CCDC149: variants seen among roughly 807,000 people sequenced by gnomAD.
The protein encoded by CCDC149 is coiled-coil domain containing 149, also known as coiled-coil domain-containing protein 149.
In CCDC149, 45 loss-of-function variants were observed where a neutral mutation model predicts 59.9. The ratio of observed to expected loss-of-function variants is 0.75; its 90% CI spans 0.59 to 0.96. The LOEUF (loss-of-function observed/expected upper bound fraction) is 0.96. Ranked by LOEUF, CCDC149 falls within the 40% of genes least tolerant of loss-of-function variation. The pLI is 0.00. For missense variants in CCDC149, 584 were observed against 664.7 expected (o/e 0.88, Z 1.33); for synonymous variants, 245 against 260.6 (o/e 0.94, Z 0.58).
chr4:24,836,565 C>T, intron 6 of CCDC149, 57 bp from the exon 7 acceptor site: 1 of 1,213,334 alleles, frequency 8.2e-7, no homozygotes, highest in Non-Finnish European at 1.2e-6. Context: ...AAAACACACA[C>T]TGAAGTATAA....
rs1341893496 is a variant in CCDC149, at chr4:24,808,783, G to C, written c.1229C>G (p.Ala410Gly). The change falls in exon 13 of 13, where the codon GCC (alanine) becomes GGC (glycine). Residue 410 changes from alanine (A) to glycine (G), a missense_variant. Transcript: ENST00000635206. ...AGGCGCTGTCAACGCCTCAGCAGCG[G>C]CACAACTTTCATCTTCTTCTTGCTT... is the stretch of plus-strand genomic sequence containing the variant. 2 of 1,550,840 alleles carry C rather than the reference G, an allele frequency of 1.3e-6. No individual in the cohort carries two copies. Among genetic ancestry groups the C allele is most frequent in the South Asian group, 2.4e-5 (2 of 83,934 alleles).
chr4:24,889,562 G>C (rs2109280914), intron 1 of CCDC149, among the ~76,000 whole-genome samples: 1 of 152,340 alleles, frequency 6.6e-6, no homozygotes, highest in East Asian at 1.9e-4. Flanking sequence ...CCAGGGGCCT[G>C]AGGTCTGCTG....
At chr4:24,915,682 C>T (rs567713768), upstream of CCDC149, among the ~76,000 whole-genome samples, 1 of 152,316 alleles carries the variant, frequency 6.6e-6, no homozygotes, top group Non-Finnish European at 1.5e-5. Context: ...ACTTTCAACT[C>T]GGTTGAAACA....
At chr4:24,916,787 G>GT (rs1553861266), upstream of CCDC149, among the ~76,000 whole-genome samples, 3 of 141,922 alleles carry the variant, frequency 2.1e-5, no homozygotes, top group South Asian at 2.4e-4. Flanking sequence ...GGTTTATAAT[G>GT]GTGTGTGTGT....
At chr4:24,957,482 A>G (rs1723501113) in intron 1 of CCDC149, among the ~76,000 whole-genome samples, 1 of 152,228 alleles carries the variant, frequency 6.6e-6, no homozygotes, top group Non-Finnish European at 1.5e-5. Context: ...CCACCACCAT[A>G]GTACAATCCC....
intron 1 of CCDC149, among the ~76,000 whole-genome samples, chr4:24,928,300 A>T (rs1722487653): frequency 6.6e-6 from 1 of 152,190 alleles, no homozygotes; most frequent in Admixed American, 6.5e-5. Context: ...GTGATAGCAT[A>T]AAAGAGGTTA....
intron 1 of CCDC149, among the ~76,000 whole-genome samples, chr4:24,939,526 C>T (rs185161705): frequency 0.025 from 3,745 of 152,154 alleles, 74 homozygotes; most frequent in Non-Finnish European, 0.034. Flanking sequence ...TCACCAGCAA[C>T]GGAACAAAGC....
At chr4:24,901,387 T>C (rs1721158946) in intron 1 of CCDC149, among the ~76,000 whole-genome samples, 1 of 152,228 alleles carries the variant, frequency 6.6e-6, no homozygotes, top group African/African-American at 2.4e-5. Context: ...GTCATTTTCA[T>C]TCAGGGACTG....
intron 1 of CCDC149, among the ~76,000 whole-genome samples, chr4:24,925,494 T>C (rs890277216): frequency 6.6e-6 from 1 of 152,214 alleles, no homozygotes; most frequent in African/African-American, 2.4e-5. Flanking sequence ...TAAAAAAACT[T>C]TGCGGTGTTT....
At chr4:24,909,557 A>G (rs1023850369) in intron 1 of CCDC149, among the ~76,000 whole-genome samples, 1 of 152,118 alleles carries the variant, frequency 6.6e-6, no homozygotes, top group African/African-American at 2.4e-5. Flanking sequence ...CAGTAGGTGT[A>G]TTAGTTTCTT....
At chr4:24,939,969 T>C (rs1345333100) in intron 1 of CCDC149, among the ~76,000 whole-genome samples, 2 of 151,854 alleles carry the variant, frequency 1.3e-5, no homozygotes, top group Non-Finnish European at 2.9e-5. Context: ...GGAAAACACT[T>C]TGCAGGATAT....
At chr4:24,857,311 T>C (rs1718073304) in intron 3 of CCDC149, among the ~76,000 whole-genome samples, 1 of 152,048 alleles carries the variant, frequency 6.6e-6, no homozygotes, top group Non-Finnish European at 1.5e-5. Flanking sequence ...TAAAATCTAA[T>C]AAAAATGAGT....
intron 2 of CCDC149, among the ~76,000 whole-genome samples, chr4:24,874,475 G>C (rs1281486672): frequency 1.3e-5 from 2 of 151,838 alleles, no homozygotes; most frequent in African/African-American, 4.8e-5. Context: ...CCAGCTACTA[G>C]GGAGGCTGAG....
upstream of CCDC149, among the ~76,000 whole-genome samples, chr4:24,916,983 T>G (rs1722147851): frequency 6.6e-6 from 1 of 152,086 alleles, no homozygotes; most frequent in East Asian, 1.9e-4. Context: ...CAGCCAGGCC[T>G]CCTGCAGAGG....
Position 24,866,773 on chromosome 4 carries a change from G to A in CCDC149, c.264+6908C>T, listed in dbSNP as rs1416744993. On this transcript the variant is annotated intron_variant, in intron 3 of 12. Transcript: ENST00000635206. ...TAAAAGTTCTCATCTGTCCTTTAACGCGAAGACCCAAAAAGCAAAAAAAAA... is the reference window on the plus strand; with the variant it reads ...TAAAAGTTCTCATCTGTCCTTTAACACGAAGACCCAAAAAGCAAAAAAAAA... Among the ~76,000 whole-genome samples the A allele has an allele frequency of 1.2e-4, 15 of 124,480 alleles. No homozygotes were observed. In the East Asian group the frequency reaches 2.4e-3, roughly 20 times the overall value. The allele number at this position is 124,480 out of a possible 152,430, so 81.7% of individuals were successfully genotyped here.
chr4:24,939,853 T>C (rs2109347616), intron 1 of CCDC149, among the ~76,000 whole-genome samples: 1 of 152,166 alleles, frequency 6.6e-6, no homozygotes, highest in East Asian at 1.9e-4. Context: ...GAAAAAAGAA[T>C]AAAAAGAAAC....
intron 1 of CCDC149, among the ~76,000 whole-genome samples, chr4:24,888,803 G>A (rs1029325699): frequency 1.3e-5 from 2 of 152,054 alleles, no homozygotes; most frequent in African/African-American, 4.8e-5. Flanking sequence ...AAGACTCCCT[G>A]GGCATTTCCA....
chr4:24,870,846 C>T (rs1038950601), intron 3 of CCDC149, among the ~76,000 whole-genome samples: 1 of 151,836 alleles, frequency 6.6e-6, no homozygotes, highest in Non-Finnish European at 1.5e-5. Flanking sequence ...ATAAATTTCC[C>T]CATCCTGGCT....
chr4:24,964,359 A>C (rs745502323), intron 1 of CCDC149, among the ~76,000 whole-genome samples: 3 of 152,206 alleles, frequency 2.0e-5, no homozygotes, highest in Non-Finnish European at 2.9e-5. Context: ...GACAAAAAAT[A>C]AACTGACAAA....
Sources: allele counts gnomAD v4.1 joint callset (sites outside exome capture counted in the v4.1 genomes callset), GRCh38; gene constraint gnomAD v4.1.1; transcripts MANE v1.5; gene names NCBI Gene and HGNC (gene_info 2026-07-23, HGNC 2026-07-21).